Variants in PGBD2 observed in about 807,000 individuals in gnomAD.
PGBD2 encodes the protein piggyBac transposable element derived 2.
Under a neutral mutation model 8.1 loss-of-function variants are expected in PGBD2, and 6 were observed. The observed-to-expected ratio is 0.74, with a 90% CI of 0.40 to 1.46. The LOEUF (loss-of-function observed/expected upper bound fraction) is 1.46. Ranked by LOEUF, PGBD2 falls within the 40% of genes most tolerant of loss-of-function variation. The pLI is 0.02. For synonymous variants in PGBD2, 318 were observed against 272.2 expected (o/e 1.17, Z -1.66); for missense variants, 802 against 739.0 (o/e 1.09, Z -0.99).
the PGBD2 span, among the ~76,000 whole-genome samples, chr1:248,895,059 C>A: frequency 2.0e-5 from 3 of 152,148 alleles, no homozygotes; most frequent in African/African-American, 7.2e-5. Context: ...CCCAACTCAG[C>A]CTCCCAAAGT....
the PGBD2 span, among the ~76,000 whole-genome samples, chr1:248,875,323 A>G: frequency 2.7e-5 from 4 of 149,754 alleles, no homozygotes; most frequent in Non-Finnish European, 5.9e-5. Flanking sequence ...AAAAAAAAAA[A>G]AAAAAGAAAA....
At chr1:248,928,030 T>A in the PGBD2 span, among the ~76,000 whole-genome samples, 1 of 152,130 alleles carries the variant, frequency 6.6e-6, no homozygotes, top group African/African-American at 2.4e-5. Context: ...CAACCCAGGG[T>A]GTTTCGACTT....
intron 1 of PGBD2, among the ~76,000 whole-genome samples, chr1:248,907,451 T>G (rs923840114): frequency 6.6e-6 from 1 of 152,212 alleles, no homozygotes; most frequent in Admixed American, 6.5e-5. Context: ...GAGGCTTTCC[T>G]CTTTTACTAA....
At chr1:248,925,945 C>G in the PGBD2 span, among the ~76,000 whole-genome samples, 1 of 152,144 alleles carries the variant, frequency 6.6e-6, no homozygotes, top group Non-Finnish European at 1.5e-5. Flanking sequence ...TTTTGGCTCA[C>G]AGGCTCCACT....
At chr1:248,901,151 A>G in the PGBD2 span, among the ~76,000 whole-genome samples, 2 of 152,212 alleles carry the variant, frequency 1.3e-5, no homozygotes, top group African/African-American at 4.8e-5. Context: ...AATATTGTGA[A>G]AATGGCCATA....
chr1:248,892,142 C>T, the PGBD2 span, among the ~76,000 whole-genome samples: 2 of 152,168 alleles, frequency 1.3e-5, no homozygotes, highest in Admixed American at 6.5e-5. Flanking sequence ...CTTATATAGA[C>T]AAAGCATGGG....
chr1:248,873,968 T>C, the PGBD2 span, among the ~76,000 whole-genome samples: 8 of 152,110 alleles, frequency 5.3e-5, no homozygotes, highest in Admixed American at 2.0e-4. Context: ...ACACATTCGT[T>C]TTATTAGCAT....
downstream of PGBD2, among the ~76,000 whole-genome samples, chr1:248,922,806 C>T (rs1163313826): frequency 2.6e-5 from 4 of 152,184 alleles, no homozygotes; most frequent in Non-Finnish European, 5.9e-5. Flanking sequence ...AGGGATGAAG[C>T]TGACTTGATC....
At chr1:248,926,004 T>C in the PGBD2 span, among the ~76,000 whole-genome samples, 1 of 152,184 alleles carries the variant, frequency 6.6e-6, no homozygotes, top group South Asian at 2.1e-4. Context: ...AGCTTCACCC[T>C]TCAGAGAAGA....
At chr1:248,884,403 C>T in the PGBD2 span, among the ~76,000 whole-genome samples, 35 of 151,810 alleles carry the variant, frequency 2.3e-4, no homozygotes, top group East Asian at 2.7e-3. Flanking sequence ...TGCAGTGGCG[C>T]GATCTCGGCT....
chr1:248,910,021 G>A (rs1397609866), intron 1 of PGBD2, among the ~76,000 whole-genome samples: 2 of 152,184 alleles, frequency 1.3e-5, no homozygotes, highest in Admixed American at 1.3e-4. Flanking sequence ...AAGTGGATGG[G>A]GCCAGCCTAA....
the PGBD2 span, among the ~76,000 whole-genome samples, chr1:248,873,024 T>A: frequency 0.12 from 17,869 of 152,278 alleles, 1,672 homozygotes; most frequent in African/African-American, 0.23. Context: ...TACATGTGAT[T>A]GTGCTGGTCA....
chr1:248,881,984 G>A, the PGBD2 span, among the ~76,000 whole-genome samples: 2 of 152,194 alleles, frequency 1.3e-5, no homozygotes, highest in African/African-American at 4.8e-5. Context: ...AGTGCATAGA[G>A]CAGTATAGAA....
At chr1:248,897,203 T>G in the PGBD2 span, among the ~76,000 whole-genome samples, 1 of 147,408 alleles carries the variant, frequency 6.8e-6, no homozygotes, top group Admixed American at 6.7e-5. Flanking sequence ...CTTTTTACCT[T>G]TCTCAGCATT....
At chr1:248,879,997 A>G in the PGBD2 span, among the ~76,000 whole-genome samples, 1 of 152,140 alleles carries the variant, frequency 6.6e-6, no homozygotes, top group East Asian at 1.9e-4. Flanking sequence ...CTTCAGGATT[A>G]TATGGTCCTG....
chr1:248,915,986 G>C (rs1284624743), intron 2 of PGBD2, among the ~76,000 whole-genome samples: 1 of 152,162 alleles, frequency 6.6e-6, no homozygotes, highest in African/African-American at 2.4e-5. Context: ...CTGTTATCTG[G>C]GGTGATGACA....
the PGBD2 span, among the ~76,000 whole-genome samples, chr1:248,875,308 CAAAAA>C: frequency 1.8e-5 from 2 of 110,266 alleles, no homozygotes; most frequent in African/African-American, 6.6e-5. Flanking sequence ...AAAAACAAAA[CAAAAA>C]AAAAAAAAAA....
In PGBD2 at chr1:248,908,896, C is replaced by A. The variant is rs538345864; in HGVS notation, c.-48+2554C>A. 3.4e-4 allele frequency among the ~76,000 whole-genome samples: 52 copies of A among 152,174 alleles called. No individual in the cohort carries two copies. The Middle Eastern group carries it at 0.014, about 40-fold the overall frequency. ...GAATTGTTACTCTTTCTGCAGCTCTCCATCATTTTGTCTTTTCCTCAGGGA... is the reference window on the plus strand; with the variant it reads ...GAATTGTTACTCTTTCTGCAGCTCTACATCATTTTGTCTTTTCCTCAGGGA... On this transcript the variant is annotated intron_variant, in intron 1 of 2. Transcript: ENST00000329291.
upstream of PGBD2, among the ~76,000 whole-genome samples, chr1:248,902,436 G>A (rs1661551582): frequency 6.6e-6 from 1 of 152,176 alleles, no homozygotes; most frequent in South Asian, 2.1e-4. Context: ...AGACAGTGTG[G>A]TGATTCCTCA....
Sources: gnomAD v4.1 joint callset for allele counts (sites outside exome capture counted in the v4.1 genomes callset) on GRCh38, gnomAD v4.1.1 for gene constraint, MANE v1.5 for transcripts, NCBI Gene and HGNC (gene_info 2026-07-23, HGNC 2026-07-21) for gene names.